SPSB4: variants seen among roughly 807,000 people sequenced by gnomAD.
SPSB4 encodes SPRY domain-containing SOCS box protein 4.
A neutral mutation model predicts 20.9 loss-of-function variants in SPSB4; 21 were observed. That is an observed-to-expected ratio of 1.01 (90% CI 0.71 to 1.45). SPSB4 has a LOEUF of 1.45. Ranked by LOEUF, SPSB4 falls within the 40% of genes most tolerant of loss-of-function variation. The pLI, the probability that SPSB4 is intolerant of heterozygous loss-of-function variation, is 0.00. For missense variants in SPSB4, 399 were observed against 399.2 expected, an observed-to-expected ratio of 1.00 and a Z score of 0.00; for synonymous variants, 207 against 183.8, an observed-to-expected ratio of 1.13 and a Z score of -1.02.
At chr3:141,063,238 T>C (rs936744532) in intron 1 of SPSB4, among the ~76,000 whole-genome samples, 24 of 152,252 alleles carry the variant, frequency 1.6e-4, no homozygotes, top group Admixed American at 6.5e-5. Context: ...ATTTTCAAAA[T>C]TGTTAAATCA....
intron 2 of SPSB4, among the ~76,000 whole-genome samples, chr3:141,123,215 T>C (rs1938996993): frequency 6.6e-6 from 1 of 152,224 alleles, no homozygotes; most frequent in Non-Finnish European, 1.5e-5. Flanking sequence ...AATTTCCTTA[T>C]TTATGTATTT....
At chr3:141,126,649 T>C (rs1939053637) in intron 2 of SPSB4, among the ~76,000 whole-genome samples, 1 of 152,210 alleles carries the variant, frequency 6.6e-6, no homozygotes, top group Non-Finnish European at 1.5e-5. Context: ...CGATGGCATC[T>C]GAGCATGTGC....
At chr3:141,061,879 G>A (rs1937773152) in intron 1 of SPSB4, among the ~76,000 whole-genome samples, 1 of 151,966 alleles carries the variant, frequency 6.6e-6, no homozygotes, top group Non-Finnish European at 1.5e-5. Context: ...GGGACTACAG[G>A]CGTGTGCCGC....
intron 2 of SPSB4, among the ~76,000 whole-genome samples, chr3:141,134,345 C>T (rs4582026): frequency 0.029 from 4,470 of 152,096 alleles, 232 homozygotes; most frequent in African/African-American, 0.1. Flanking sequence ...GGACTTCCAG[C>T]ATATACTGTT....
At chr3:141,071,571 A>G (rs769914000) in intron 2 of SPSB4, among the ~76,000 whole-genome samples, 10 of 152,032 alleles carry the variant, frequency 6.6e-5, no homozygotes, top group Non-Finnish European at 1.3e-4. Flanking sequence ...TTGGGAAGGT[A>G]ACGAATTTGC....
intron 2 of SPSB4, among the ~76,000 whole-genome samples, chr3:141,107,142 G>A (rs987172291): frequency 1.3e-5 from 2 of 152,224 alleles, no homozygotes; most frequent in African/African-American, 4.8e-5. Context: ...CTGGGGTTGG[G>A]ATGGGGCAAA....
chr3:141,071,726 C>T (rs1179493519), intron 2 of SPSB4, among the ~76,000 whole-genome samples: 2 of 152,184 alleles, frequency 1.3e-5, no homozygotes, highest in Non-Finnish European at 2.9e-5. Flanking sequence ...CTGACTTTCA[C>T]AGGGTGGAGC....
chr3:141,134,389 C>G (rs1378608552), intron 2 of SPSB4, among the ~76,000 whole-genome samples: 2 of 152,042 alleles, frequency 1.3e-5, no homozygotes, highest in African/African-American at 4.8e-5. Context: ...ATCCTTGTCT[C>G]GTTCTAGTTC....
chr3:141,134,492 C>T (rs1342335048), intron 2 of SPSB4, among the ~76,000 whole-genome samples: 1 of 152,108 alleles, frequency 6.6e-6, no homozygotes, highest in African/African-American at 2.4e-5. Context: ...AGATATGTCC[C>T]TTCTATGCCA....
At chr3:141,082,912 C>A (rs895447524) in intron 2 of SPSB4, among the ~76,000 whole-genome samples, 1 of 147,488 alleles carries the variant, frequency 6.8e-6, no homozygotes, top group Non-Finnish European at 1.5e-5. Flanking sequence ...AAACGCTCTA[C>A]GCCATCCCTG....
intron 2 of SPSB4, among the ~76,000 whole-genome samples, chr3:141,085,309 C>T (rs1321596501): frequency 6.6e-6 from 1 of 152,182 alleles, no homozygotes; most frequent in Non-Finnish European, 1.5e-5. Context: ...TGGGCTTAAA[C>T]AAGAATTTCT....
chr3:141,137,977 G>A (rs973764559), intron 2 of SPSB4, among the ~76,000 whole-genome samples: 2 of 152,028 alleles, frequency 1.3e-5, no homozygotes, highest in Non-Finnish European at 1.5e-5. Flanking sequence ...ACTTTTTTTG[G>A]TTGGTAAGCT....
chr3:141,121,414 A>G (rs1938964716), intron 2 of SPSB4, among the ~76,000 whole-genome samples: 1 of 152,136 alleles, frequency 6.6e-6, no homozygotes, highest in Non-Finnish European at 1.5e-5. Context: ...CTCAAGGAGT[A>G]TCTTTGTGGT....
chr3:141,106,381 A>T (rs993085777), intron 2 of SPSB4, among the ~76,000 whole-genome samples: 2 of 152,102 alleles, frequency 1.3e-5, no homozygotes, highest in African/African-American at 4.8e-5. Context: ...GTATCCCATT[A>T]TGGCTTTTCA....
chr3:141,064,865 C>G (rs1937834177), intron 1 of SPSB4, among the ~76,000 whole-genome samples: 1 of 152,180 alleles, frequency 6.6e-6, no homozygotes, highest in South Asian at 2.1e-4. Context: ...AATTCCTTCT[C>G]CATGAAAACC....
At position 141,065,974 on chromosome 3, in the gene SPSB4, C is replaced by A; in HGVS notation, c.-131C>A. ...CAGGAGCTTGGGCCCCTGCCGCAGCCCGGTAGAGGCTGTGGAGGTCTACCG... is the reference window on the plus strand; with the variant it reads ...CAGGAGCTTGGGCCCCTGCCGCAGCACGGTAGAGGCTGTGGAGGTCTACCG... On this transcript the variant is annotated 5_prime_UTR_variant, in exon 2 of 3. Coordinates refer to ENST00000310546, the MANE Select transcript of SPSB4 (RefSeq NM_080862.3). 2 of 826,744 alleles carry A rather than the reference C, an allele frequency of 2.4e-6. No individual in the cohort carries two copies. The highest frequency in any genetic ancestry group is 3.5e-6 in the Non-Finnish European group (2 of 569,316). The allele number at this position is 826,744 out of a possible 1,614,324, so 51.2% of individuals were successfully genotyped here.
intron 2 of SPSB4, among the ~76,000 whole-genome samples, chr3:141,073,097 A>G (rs949234642): frequency 6.6e-6 from 1 of 152,298 alleles, no homozygotes; most frequent in East Asian, 1.9e-4. Context: ...TTTGATCCCA[A>G]TTGAAATTTC....
intron 2 of SPSB4, among the ~76,000 whole-genome samples, chr3:141,070,298 T>C (rs966826034): frequency 2.0e-5 from 3 of 152,142 alleles, no homozygotes; most frequent in Admixed American, 1.3e-4. Flanking sequence ...CTAAACACTT[T>C]ACAATTTCTT....
At chr3:141,093,718 A>G (rs1036060879) in intron 2 of SPSB4, among the ~76,000 whole-genome samples, 2 of 152,168 alleles carry the variant, frequency 1.3e-5, no homozygotes, top group Non-Finnish European at 2.9e-5. Flanking sequence ...AATCACACAC[A>G]TAGACTCTAA....
Sources: allele counts gnomAD v4.1 joint callset (sites outside exome capture counted in the v4.1 genomes callset), GRCh38; gene constraint gnomAD v4.1.1; transcripts MANE v1.5; gene names NCBI Gene and HGNC (gene_info 2026-07-23, HGNC 2026-07-21).